TUT4: variants seen among roughly 807,000 people sequenced by gnomAD.
TUT4 encodes the protein terminal uridylyltransferase 4.
TUT4 carries 36 observed loss-of-function variants against 192.2 expected under a neutral mutation model. That is an observed-to-expected ratio of 0.19 (90% CI 0.14 to 0.25). The LOEUF (loss-of-function observed/expected upper bound fraction) is 0.25. Among genes scored for constraint, TUT4 ranks in the 10% least tolerant of loss-of-function variants. The probability of loss-of-function intolerance (pLI) is 1.00; values close to 1 mark genes in which losing one functional copy is unlikely to be tolerated. For synonymous variants in TUT4, 618 were observed against 666.0 expected (o/e 0.93, Z 1.11); for missense variants, 1,493 against 1,957.2 (o/e 0.76, Z 4.47).
chr1:52,481,345 A>T, intron 11 of TUT4, 78 bp downstream of exon 11: 1 of 1,470,032 alleles, frequency 6.8e-7, no homozygotes, highest in Non-Finnish European at 9.4e-7. Context: ...GTCAATCTAC[A>T]ATTAAAATAG....
chr1:52,502,144 C>CA (rs71656358), intron 4 of TUT4, among the ~76,000 whole-genome samples: 7,645 of 129,046 alleles, frequency 0.059, 212 homozygotes, highest in South Asian at 0.11. Context: ...AAAAAAATTT[C>CA]AAAAAAAAAA....
At chr1:52,452,613 T>C (rs1356790276) in intron 20 of TUT4, among the ~76,000 whole-genome samples, 1 of 152,182 alleles carries the variant, frequency 6.6e-6, no homozygotes, top group African/African-American at 2.4e-5. Flanking sequence ...TCGGTCCAAA[T>C]AGCTTCTTGA....
intron 28 of TUT4, among the ~76,000 whole-genome samples, chr1:52,428,353 G>A (rs111543547): frequency 2.0e-5 from 3 of 151,774 alleles, no homozygotes; most frequent in African/African-American, 7.3e-5. Flanking sequence ...AGGGCCAGGC[G>A]CGGTGGCTCA....
At position 52,461,776 on chromosome 1, in the gene TUT4, AAC is replaced by A; in HGVS notation, c.3070-9_3070-8del. 1 of 1,338,946 alleles carries A rather than the reference AAC, an allele frequency of 7.5e-7. No homozygotes were observed. Among genetic ancestry groups the A allele is most frequent in the Non-Finnish European group, 1.0e-6 (1 of 972,318 alleles). 82.9% of individuals were successfully genotyped at this position (1,338,946 alleles called of 1,614,324 possible). The stretch of plus-strand genomic sequence containing the variant: ...TTTCCTTACAATTTAATTTCTAAAA[AAC>A]AAATCAAATAAATAAGTTTGACTCA... On this transcript the variant is annotated splice_region_variant and splice_polypyrimidine_tract_variant and intron_variant, in intron 16 of 29. Coordinates refer to ENST00000257177, the MANE Select transcript of TUT4 (RefSeq NM_001009881.3).
intron 1 of TUT4, among the ~76,000 whole-genome samples, chr1:52,537,837 G>A (rs551648637): frequency 4.5e-4 from 68 of 152,178 alleles, no homozygotes; most frequent in Non-Finnish European, 7.8e-4. Context: ...CGCTTGAACC[G>A]AGAAGGCAGT....
At chr1:52,484,069 C>G (rs1438450559) in intron 9 of TUT4, among the ~76,000 whole-genome samples, 1 of 152,024 alleles carries the variant, frequency 6.6e-6, no homozygotes, top group East Asian at 1.9e-4. Context: ...CAAAAATATG[C>G]CAGGCACAGT....
At chr1:52,496,874 T>C (rs1672581847) in intron 5 of TUT4, 132 bp downstream of exon 5, 3 of 878,930 alleles carry the variant, frequency 3.4e-6, no homozygotes, top group Non-Finnish European at 4.9e-6. Context: ...AAAAATTCAT[T>C]CATAAAACAA....
At chr1:52,443,112 C>T (rs1478457882) in intron 24 of TUT4, among the ~76,000 whole-genome samples, 2 of 151,488 alleles carry the variant, frequency 1.3e-5, no homozygotes, top group South Asian at 2.1e-4. Flanking sequence ...GGCGAAACCC[C>T]GTCTCTACTA....
intron 20 of TUT4, among the ~76,000 whole-genome samples, chr1:52,453,303 A>G (rs1368939475): frequency 6.6e-6 from 1 of 151,568 alleles, no homozygotes; most frequent in Admixed American, 6.6e-5. Context: ...AATCGCTTGA[A>G]CCCAGGAGGC....
intron 19 of TUT4, 24 bp from the exon 20 acceptor site, chr1:52,458,473 CA>C: frequency 6.4e-7 from 1 of 1,563,966 alleles, no homozygotes; most frequent in Non-Finnish European, 8.8e-7. Flanking sequence ...TGATTGAAAA[CA>C]AAACTTCAGA....
At chr1:52,512,629 TA>T (rs1462113774) in intron 3 of TUT4, among the ~76,000 whole-genome samples, 3 of 152,218 alleles carry the variant, frequency 2.0e-5, no homozygotes, top group East Asian at 1.9e-4. Flanking sequence ...AAAAAATACA[TA>T]AAAAAAGTTA....
intron 19 of TUT4, 104 bp downstream of exon 19, chr1:52,461,030 T>C: frequency 1.1e-6 from 1 of 887,512 alleles, no homozygotes; most frequent in Non-Finnish European, 1.7e-6. Flanking sequence ...TTTTAAAAGC[T>C]CAGATAAACA....
rs1306229734 is a variant in TUT4 at position 52,535,890 on chromosome 1, T to C, written c.-93-9517A>G. The stretch of plus-strand genomic sequence containing the variant: ...GTCCTAAAAGAAAAAAGCTGTGAAC[T>C]AAGAATTCTCTAGCCAGTAAAACCG... On this transcript the variant is annotated intron_variant, in intron 1 of 29. Coordinates refer to ENST00000257177, the MANE Select transcript of TUT4 (RefSeq NM_001009881.3). 2.0e-5 allele frequency among the ~76,000 whole-genome samples: 3 copies of C among 152,156 alleles called. No homozygotes were observed. The East Asian group carries it at 5.8e-4, about 29-fold the overall frequency.
In TUT4 at chr1:52,497,047, A is replaced by G. The variant is rs367987319; in HGVS notation, c.1136T>C (p.Ile379Thr). The G allele has an allele frequency of 3.1e-6, 5 of 1,613,504 alleles. No homozygotes were observed. The highest frequency in any genetic ancestry group is 1.3e-5 in the African/African-American group (1 of 74,864). Residue 379 changes from isoleucine (I) to threonine (T), a missense_variant, in exon 5 of 30, where the codon ATT becomes ACT. This residue lies in a region of TUT4 where 437 missense variants were observed against 577.6 expected (regional missense o/e 0.76). Transcript: ENST00000257177. ...TATAACCTTTGACATTTCCTCCACA[A>G]TTTCCTGACGGACTCTGAGGTCATC... is the stretch of plus-strand genomic sequence containing the variant. ...TDDDLRVRQE[I>T]VEEMSKVITT...
At chr1:52,522,269 T>C (rs1459004512) in intron 2 of TUT4, among the ~76,000 whole-genome samples, 1 of 152,236 alleles carries the variant, frequency 6.6e-6, no homozygotes, top group Non-Finnish European at 1.5e-5. Flanking sequence ...AACCTCTACT[T>C]GGTCTACTAG....
chr1:52,538,552 TG>T (rs1409014387), intron 1 of TUT4: 1 of 146,034 alleles, frequency 6.8e-6, no homozygotes, highest in Non-Finnish European at 1.5e-5. Flanking sequence ...GAGGCTGAAG[TG>T]GGAGGATCAC....
chr1:52,447,435 C>T (rs1174731750), intron 20 of TUT4, among the ~76,000 whole-genome samples: 1 of 145,458 alleles, frequency 6.9e-6, no homozygotes, highest in Non-Finnish European at 1.5e-5. Flanking sequence ...GGCGACAGGG[C>T]GAGACTCCAT....
rs904122940 is a variant in TUT4, at chr1:52,466,458, C to T, written c.2966-1285G>A. ...AGGAGTTTGAGACCTGCTTGGAAAA[C>T]ATGGTGAGACTCCATCTCTACAAAA... On this transcript the variant is annotated intron_variant, in intron 15 of 29. Coordinates refer to ENST00000257177, the MANE Select transcript of TUT4 (RefSeq NM_001009881.3). Among the ~76,000 whole-genome samples, 6 of 151,442 alleles carry T rather than the reference C, an allele frequency of 4.0e-5. No individual in the cohort carries two copies. The East Asian group carries it at 1.2e-3, about 30-fold the overall frequency.
intron 20 of TUT4, among the ~76,000 whole-genome samples, chr1:52,455,630 A>AAAT (rs1557703413): frequency 1.0e-5 from 1 of 96,668 alleles, no homozygotes; most frequent in Non-Finnish European, 1.9e-5. Context: ...AAAAAAAAAA[A>AAAT]GACGGGGGAG....
Sources: allele counts gnomAD v4.1 joint callset (sites outside exome capture counted in the v4.1 genomes callset), GRCh38; gene constraint gnomAD v4.1.1; regional missense constraint gnomAD v4.1.1; transcripts MANE v1.5; gene names NCBI Gene and HGNC (gene_info 2026-07-23, HGNC 2026-07-21).